The following URB2 variants were observed in gnomAD, a reference collection of about 807,000 sequenced individuals.
URB2 encodes the protein unhealthy ribosome biogenesis protein 2 homolog.
A neutral mutation model predicts 120.9 loss-of-function variants in URB2; 86 were observed. That is an observed-to-expected ratio of 0.71 (90% CI 0.60 to 0.85). URB2 has a LOEUF of 0.85. Ranked by LOEUF, URB2 falls within the 40% of genes least tolerant of loss-of-function variation. The pLI, the probability that URB2 is intolerant of heterozygous loss-of-function variation, is 0.00. For synonymous variants in URB2, 755 were observed against 758.4 expected, an observed-to-expected ratio of 1.00 and a Z score of 0.07; for missense variants, 1,765 against 1,836.5, an observed-to-expected ratio of 0.96 and a Z score of 0.71.
intron 4 of URB2, among the ~76,000 whole-genome samples, chr1:229,640,017 A>G (rs1665963203): frequency 1.3e-5 from 2 of 152,236 alleles, no homozygotes; most frequent in South Asian, 2.1e-4. Flanking sequence ...AATGTTAAAT[A>G]TGCCACAATT....
In URB2 at chr1:229,636,376, C is replaced by T. The variant is rs771043392; in HGVS notation, c.1763C>T (p.Pro588Leu). The change falls in exon 4 of 10, where the codon CCG becomes CTG. Residue 588 changes from proline (P) to leucine (L), a missense_variant. By Grantham distance (98) the Pro-to-Leu change is moderately conservative (BLOSUM62 -3). Transcript: ENST00000258243. ...ELVQPLLALL[P>L]DTPGPEPELW... is the part of the protein sequence containing the mutation. ...GTGCAGCCCCTGCTGGCCCTTCTCC[C>T]GGACACCCCAGGCCCAGAGCCAGAG... 12 of 1,614,080 alleles carry T rather than the reference C, an allele frequency of 7.4e-6. No individual in the cohort carries two copies. The highest frequency in any genetic ancestry group is 2.7e-5 in the African/African-American group (2 of 74,952).
Position 229,643,692 on chromosome 1 carries a change from A to T in URB2, c.3794A>T (p.Gln1265Leu). ...AGTAACATGTGGAAAGCAGATGTGC[A>T]GGTGGGTGCCTTCTCCCTCCTTGTG... ...DVSNMWKADV[Q>L]AVVSAVTLLR... The change falls in exon 5 of 10, where the codon CAG becomes CTG. Residue 1265 changes from glutamine to leucine, a missense_variant and splice_region_variant. Transcript: ENST00000258243. The T allele has an allele frequency of 2.5e-6, 4 of 1,611,342 alleles. No homozygotes were observed. Among genetic ancestry groups the T allele is most frequent in the Non-Finnish European group, 3.4e-6 (4 of 1,178,650 alleles).
chr1:229,634,456 C>T (rs1461230749), intron 3 of URB2, among the ~76,000 whole-genome samples: 4 of 152,188 alleles, frequency 2.6e-5, no homozygotes, highest in African/African-American at 4.8e-5. Flanking sequence ...CCGCCTGCCT[C>T]GGCCTCTCAA....
chr1:229,642,511 G>T (rs567238154), intron 4 of URB2, among the ~76,000 whole-genome samples: 1 of 152,294 alleles, frequency 6.6e-6, no homozygotes, highest in Admixed American at 6.5e-5. Flanking sequence ...TAGGCAGATG[G>T]GGCTGAAGCG....
intron 2 of URB2, 46 bp from the exon 3 acceptor site, chr1:229,632,219 TTCTC>T: frequency 1.4e-6 from 2 of 1,472,682 alleles, no homozygotes; most frequent in Non-Finnish European, 1.8e-6. Context: ...TCTAACATCT[TTCTC>T]TCAGCAAATA....
In URB2 at chr1:229,636,871, A is replaced by G. The variant is rs768164250; in HGVS notation, c.2258A>G (p.Tyr753Cys). Residue 753 changes from tyrosine to cysteine, a missense_variant, in exon 4 of 10, where the codon TAT (tyrosine) becomes TGT (cysteine). Coordinates refer to ENST00000258243, the MANE Select transcript of URB2 (RefSeq NM_014777.4). Reference protein sequence around the residue: ...IVSNLTILISYLCPDDVGYLA... With the variant: ...IVSNLTILISCLCPDDVGYLA... Reference sequence around the variant, plus strand: ...TCAAATCTCACAATTTTAATATCCTATCTGTGTCCAGATGATGTGGGATAC... The same window carrying G: ...TCAAATCTCACAATTTTAATATCCTGTCTGTGTCCAGATGATGTGGGATAC... 8.1e-6 allele frequency: 13 copies of G among 1,611,450 alleles called. No individual in the cohort carries two copies. The highest frequency in any genetic ancestry group is 4.5e-5 in the East Asian group (2 of 44,840).
intron 4 of URB2, among the ~76,000 whole-genome samples, chr1:229,642,973 T>A (rs1304549137): frequency 1.3e-5 from 2 of 152,222 alleles, no homozygotes; most frequent in Non-Finnish European, 2.9e-5. Flanking sequence ...GTATTTTGTG[T>A]ATGTATTTAT....
In URB2 at chr1:229,642,019, A is replaced by G. The variant is rs548242241; in HGVS notation, c.3635-1514A>G. Among the ~76,000 whole-genome samples, 37 of 151,192 alleles carry G rather than the reference A, an allele frequency of 2.4e-4. No homozygotes were observed. The Middle Eastern group carries it at 0.014, about 56-fold the overall frequency. On this transcript the variant is annotated intron_variant, in intron 4 of 9. Transcript: ENST00000258243. The stretch of plus-strand genomic sequence containing the variant: ...AGTGAGACCCTGTCTCCAGAAACAT[A>G]AAAAAAACCAATTAAAATGCTTGTA...
intron 5 of URB2, among the ~76,000 whole-genome samples, chr1:229,644,138 A>G (rs187802130): frequency 6.6e-6 from 1 of 152,322 alleles, no homozygotes. Context: ...TACAGCCTGC[A>G]TGGTGTTGCA....
rs376705815 is a variant in URB2 at position 229,637,724 on chromosome 1, G to A, written c.3111G>A (p.Thr1037=). 9.3e-6 allele frequency: 15 copies of A among 1,614,038 alleles called. No homozygotes were observed. Among genetic ancestry groups the A allele is most frequent in the Middle Eastern group, 1.6e-4 (1 of 6,082 alleles). The change falls in exon 4 of 10, where the codon ACG becomes ACA. Residue 1037 remains threonine (T), a synonymous_variant. Coordinates refer to ENST00000258243, the MANE Select transcript of URB2 (RefSeq NM_014777.4). The stretch of plus-strand genomic sequence containing the variant: ...TCCTCTCTAGTTCCAAACCATACAC[G>A]GAGGCAGCTTCAAGCAAACAATTAG... The part of the protein sequence containing the change: ...TAFLSSSKPY[T]EAASSKQLEN...
At chr1:229,649,521 G>A (rs1389870529) in intron 7 of URB2, among the ~76,000 whole-genome samples, 1 of 152,154 alleles carries the variant, frequency 6.6e-6, no homozygotes. Context: ...ATCATTTAAC[G>A]AATGGAGAAA....
chr1:229,634,780 A>G lies in URB2; in HGVS notation c.304-137A>G, dbSNP rs1571868762. ...CTAAGCTTATGTCAGGTTCATTGAA[A>G]TATGGTAATCTGGGCATTTCTTTCT... On this transcript the variant is annotated intron_variant, in intron 3 of 9. Coordinates refer to ENST00000258243, the MANE Select transcript of URB2 (RefSeq NM_014777.4). 20 of 759,188 alleles carry G rather than the reference A, an allele frequency of 2.6e-5. No homozygotes were observed. The East Asian group carries it at 5.8e-4, about 22-fold the overall frequency. 47.0% of individuals were successfully genotyped at this position (759,188 alleles called of 1,614,324 possible).
At chr1:229,646,466 T>A (rs948385221) in intron 6 of URB2, among the ~76,000 whole-genome samples, 1 of 152,096 alleles carries the variant, frequency 6.6e-6, no homozygotes, top group Non-Finnish European at 1.5e-5. Flanking sequence ...GCAGCCAGCT[T>A]GTAGATGCCT....
At chr1:229,654,409 T>C (rs1180021781) in intron 9 of URB2, 21 bp downstream of exon 9, 7 of 1,614,118 alleles carry the variant, frequency 4.3e-6, no homozygotes, top group Non-Finnish European at 5.1e-6. Context: ...GTTCAATGTC[T>C]TTCACCAAGT....
intron 4 of URB2, 74 bp downstream of exon 4, chr1:229,638,321 G>A (rs1665910326): frequency 6.8e-7 from 1 of 1,468,688 alleles, no homozygotes; most frequent in Non-Finnish European, 9.1e-7. Flanking sequence ...TTGGAACTGG[G>A]AATAAGTGAA....
chr1:229,643,266 C>G (rs945439517), intron 4 of URB2, among the ~76,000 whole-genome samples: 3 of 152,224 alleles, frequency 2.0e-5, no homozygotes, highest in African/African-American at 7.2e-5. Context: ...TCACTGTCTT[C>G]TGTGGTTCAG....
At chr1:229,648,100 T>G (rs544794596) in intron 7 of URB2, among the ~76,000 whole-genome samples, 1 of 152,344 alleles carries the variant, frequency 6.6e-6, no homozygotes, top group Admixed American at 6.5e-5. Flanking sequence ...ACTCCTGACC[T>G]CATGTGACTG....
chr1:229,654,290 C>T lies in URB2; in HGVS notation c.4279C>T (p.Leu1427=). Residue 1427 remains leucine (L), a synonymous_variant, in exon 9 of 10, where the codon CTG becomes TTG. Transcript: ENST00000258243. ...GCCTACGGTCCTAAAGTGTGCACGC[C>T]TGGTTGAAAGAATGTACAGCCACAT... ...DLPTVLKCAR[L]VERMYSHIAA... is the part of the protein sequence containing the mutation. The T allele has an allele frequency of 6.2e-7, 1 of 1,614,148 alleles. No individual in the cohort carries two copies. The highest frequency in any genetic ancestry group is 2.2e-5 in the East Asian group (1 of 44,882).
Position 229,636,374 on chromosome 1 carries a change from C to G in URB2, c.1761C>G (p.Leu587=). 1 of 1,614,222 alleles carries G rather than the reference C, an allele frequency of 6.2e-7. No individual in the cohort carries two copies. The highest frequency in any genetic ancestry group is 8.5e-7 in the Non-Finnish European group (1 of 1,180,020). ...RELVQPLLAL[L]PDTPGPEPEL... ...TCGTGCAGCCCCTGCTGGCCCTTCT[C>G]CCGGACACCCCAGGCCCAGAGCCAG... Residue 587 remains leucine, a synonymous_variant, in exon 4 of 10, where the codon CTC becomes CTG. Transcript: ENST00000258243.
Sources: allele counts gnomAD v4.1 joint callset (sites outside exome capture counted in the v4.1 genomes callset), GRCh38; gene constraint gnomAD v4.1.1; transcripts MANE v1.5; gene names NCBI Gene and HGNC (gene_info 2026-07-23, HGNC 2026-07-21).